PKHD1L1: variants seen among roughly 807,000 people sequenced by gnomAD.
PKHD1L1 encodes the protein PKHD1 like 1.
A neutral mutation model predicts 462.9 loss-of-function variants in PKHD1L1; 434 were observed. That is an observed-to-expected ratio of 0.94 (90% CI 0.87 to 1.02). The LOEUF (loss-of-function observed/expected upper bound fraction) is 1.02, where lower values mean the gene tolerates loss of function less well. Ranked by LOEUF, PKHD1L1 falls within the 50% of genes least tolerant of loss-of-function variation. The pLI, the probability that PKHD1L1 is intolerant of heterozygous loss-of-function variation, is 0.00. For missense variants in PKHD1L1, 5,202 were observed against 5,096.1 expected (o/e 1.02, Z -0.63); for synonymous variants, 1,781 against 1,750.0 (o/e 1.02, Z -0.44).
At chr8:109,416,952 C>T (rs1357722537) in intron 21 of PKHD1L1, among the ~76,000 whole-genome samples, 1 of 152,168 alleles carries the variant, frequency 6.6e-6, no homozygotes, top group Non-Finnish European at 1.5e-5. Flanking sequence ...ATGAACTCCT[C>T]CACTGCCACA....
At chr8:109,522,634 C>T (rs571661974) in intron 74 of PKHD1L1, 110 bp from the exon 75 acceptor site, 1 of 1,112,408 alleles carries the variant, frequency 9.0e-7, no homozygotes, top group Non-Finnish European at 1.2e-6. Flanking sequence ...GCATATTGAA[C>T]ATATTCCAAA....
chr8:109,497,186 G>A lies in PKHD1L1; in HGVS notation c.10513G>A (p.Val3505Ile), dbSNP rs1819136261. ...TGTGCACATTTATAATGTGACCCTG[G>A]TTGACAATGGAATGGCCATTTTTCC... ...ESVHIYNVTL[V>I]DNGMAIFPMI... Residue 3505 changes from valine to isoleucine, a missense_variant, in exon 65 of 78, where the codon GTT becomes ATT. Transcript: ENST00000378402. The A allele has an allele frequency of 6.2e-7, 1 of 1,613,676 alleles. No homozygotes were observed. The highest frequency in any genetic ancestry group is 1.3e-5 in the African/African-American group (1 of 74,982).
intron 63 of PKHD1L1, among the ~76,000 whole-genome samples, chr8:109,495,501 T>C (rs537978751): frequency 1.3e-5 from 2 of 152,184 alleles, no homozygotes; most frequent in East Asian, 3.9e-4. Flanking sequence ...TACGTTCCTG[T>C]AATGGTACAT....
At chr8:109,384,190 G>A (rs1812312652) in intron 5 of PKHD1L1, 63 bp downstream of exon 5, 2 of 1,210,888 alleles carry the variant, frequency 1.7e-6, no homozygotes, top group South Asian at 2.6e-5. Flanking sequence ...TTATTTTTTA[G>A]TATATGAAAT....
Position 109,452,733 on chromosome 8 carries a change from C to T in PKHD1L1, c.6523C>T (p.Leu2175Phe), listed in dbSNP as rs201802244. The T allele has an allele frequency of 2.6e-5, 40 of 1,534,560 alleles. No homozygotes were observed. The East Asian group carries it at 9.5e-4, about 37-fold the overall frequency. ...TCTATTACAGGATAATGCTGACTTT[C>T]TTTATGTTGATGCCTGGTCCTCCAA... ...GMAKLDNADFLYVDAWSSNFS... is the reference protein window; with the variant it reads ...GMAKLDNADFFYVDAWSSNFS... The change falls in exon 43 of 78, where the codon CTT (leucine) becomes TTT (phenylalanine). Residue 2175 changes from leucine (L) to phenylalanine (F), a missense_variant. By Grantham distance (22) the Leu-to-Phe change is conservative. Coordinates refer to ENST00000378402, the MANE Select transcript of PKHD1L1 (RefSeq NM_177531.6).
intron 5 of PKHD1L1, 54 bp downstream of exon 5, chr8:109,384,181 T>C: frequency 1.6e-6 from 2 of 1,234,342 alleles, no homozygotes; most frequent in Non-Finnish European, 1.2e-6. Context: ...ATAATGTGTT[T>C]ATTTTTTAGT....
rs150159330 is a variant in PKHD1L1, at chr8:109,511,158, A to C, written c.11553+224A>C. On this transcript the variant is annotated intron_variant, in intron 71 of 77. Coordinates refer to ENST00000378402, the MANE Select transcript of PKHD1L1 (RefSeq NM_177531.6). ...ATCATCCCCTTGCCATATGCACTTG[A>C]TTCTGGTACTCCATACGTGAAGCAA... 4.7e-3 allele frequency among the ~76,000 whole-genome samples: 713 copies of C among 152,174 alleles called. 5 individuals carry two copies. The highest frequency in any genetic ancestry group is 0.016 in the African/African-American group (669 of 41,536).
intron 28 of PKHD1L1, among the ~76,000 whole-genome samples, chr8:109,434,765 G>T (rs1815304780): frequency 6.6e-6 from 1 of 152,100 alleles, no homozygotes; most frequent in African/African-American, 2.4e-5. Flanking sequence ...CACCGCGCCT[G>T]CCCTTCATTT....
intron 59 of PKHD1L1, among the ~76,000 whole-genome samples, chr8:109,487,944 A>AAGGAAAGAAG (rs1563600685): frequency 5.4e-5 from 2 of 36,854 alleles, no homozygotes; most frequent in Non-Finnish European, 1.4e-4. Flanking sequence ...AAGGAAGGAA[A>AAGGAAAGAAG]GAAGGAAGGA....
At chr8:109,416,540 G>A (rs1473281120) in intron 21 of PKHD1L1, among the ~76,000 whole-genome samples, 1 of 152,124 alleles carries the variant, frequency 6.6e-6, no homozygotes, top group Non-Finnish European at 1.5e-5. Flanking sequence ...GCATCCCCCA[G>A]TGCACAAATA....
chr8:109,522,693 C>T (rs536919425), intron 74 of PKHD1L1, 51 bp from the exon 75 acceptor site: 90 of 1,512,418 alleles, frequency 6.0e-5, no homozygotes, highest in East Asian at 1.2e-4. Context: ...GAGTTTGCTG[C>T]TGAGTGTAGT....
intron 67 of PKHD1L1, among the ~76,000 whole-genome samples, chr8:109,500,716 C>G (rs1420753556): frequency 6.7e-6 from 1 of 149,176 alleles, no homozygotes; most frequent in Non-Finnish European, 1.5e-5. Flanking sequence ...GGTTTCTGTG[C>G]CCTTATGAAG....
At chr8:109,489,722 G>T (rs756900265) in intron 59 of PKHD1L1, among the ~76,000 whole-genome samples, 1 of 151,750 alleles carries the variant, frequency 6.6e-6, no homozygotes, top group Non-Finnish European at 1.5e-5. Flanking sequence ...GTATATATGC[G>T]TTATTAAAAT....
At chr8:109,480,246 A>C (rs1419081036) in intron 55 of PKHD1L1, 107 bp downstream of exon 55, 2 of 1,203,844 alleles carry the variant, frequency 1.7e-6, no homozygotes, top group Non-Finnish European at 2.3e-6. Flanking sequence ...GAATAAAAAC[A>C]CAACTGGCTC....
chr8:109,522,808 T>C lies in PKHD1L1; in HGVS notation c.12248T>C (p.Leu4083Pro). The stretch of plus-strand genomic sequence containing the variant: ...CATCACGTGGCCTTCGTGTCCTCAC[T>C]CTTAGTGATCACTCAGCCGGTGGCA... ...PVHHVAFVSSLLVITQPVAAQ... is the reference protein window; with the variant it reads ...PVHHVAFVSSPLVITQPVAAQ... Residue 4083 changes from leucine to proline, a missense_variant, in exon 75 of 78, where the codon CTC becomes CCC. This residue lies in a region of PKHD1L1 where 698 missense variants were observed against 736.3 expected (regional missense o/e 0.95). Transcript: ENST00000378402. 6.2e-7 allele frequency: 1 copy of C among 1,612,626 alleles called. No homozygotes were observed. Among genetic ancestry groups the C allele is most frequent in the Non-Finnish European group, 8.5e-7 (1 of 1,179,476 alleles).
chr8:109,481,497 G>T lies in PKHD1L1; in HGVS notation c.9392G>T (p.Arg3131Ile). 1 of 1,597,336 alleles carries T rather than the reference G, an allele frequency of 6.3e-7. No individual in the cohort carries two copies. Among genetic ancestry groups the T allele is most frequent in the Non-Finnish European group, 8.5e-7 (1 of 1,170,948 alleles). Reference protein sequence around the residue: ...PFKGDLKIVLRGNHTTQDWAL... With the variant: ...PFKGDLKIVLIGNHTTQDWAL... ...AAAGGAGACTTAAAGATTGTTCTTA[G>T]AGGAAATCATACTACACAAGACTGG... Residue 3131 changes from arginine to isoleucine, a missense_variant, in exon 56 of 78, where the codon AGA (arginine) becomes ATA (isoleucine). Transcript: ENST00000378402.
chr8:109,439,973 A>G (rs774875056), intron 32 of PKHD1L1, among the ~76,000 whole-genome samples: 1 of 152,122 alleles, frequency 6.6e-6, no homozygotes, highest in Non-Finnish European at 1.5e-5. Context: ...ATATTGGCTT[A>G]TGCTGTAGCT....
At chr8:109,497,779 C>T (rs906625933) in intron 65 of PKHD1L1, among the ~76,000 whole-genome samples, 2 of 142,434 alleles carry the variant, frequency 1.4e-5, no homozygotes, top group African/African-American at 2.6e-5. Context: ...TTGCTTATCA[C>T]CTGCTAATCT....
Position 109,467,475 on chromosome 8 carries a change from T to C in PKHD1L1, c.8605+706T>C, listed in dbSNP as rs562618594. 6.8e-5 allele frequency among the ~76,000 whole-genome samples: 10 copies of C among 147,066 alleles called. No homozygotes were observed. The East Asian group carries it at 2.1e-3, about 32-fold the overall frequency. On this transcript the variant is annotated intron_variant, in intron 50 of 77. Coordinates refer to ENST00000378402, the MANE Select transcript of PKHD1L1 (RefSeq NM_177531.6). ...ATTAAGGAGGTGGCAAAATGGTTCC[T>C]AGAGTATAGAGTATCCACATAGTTC...
Sources: allele counts gnomAD v4.1 joint callset (sites outside exome capture counted in the v4.1 genomes callset), GRCh38; gene constraint gnomAD v4.1.1; regional missense constraint gnomAD v4.1.1; transcripts MANE v1.5; gene names NCBI Gene and HGNC (gene_info 2026-07-23, HGNC 2026-07-21).